Variants in FBXL13 observed in about 807,000 individuals in gnomAD.
FBXL13 encodes F-box and leucine rich repeat protein 13, also known as F-box and leucine-rich repeat protein 13.
A neutral mutation model predicts 83.6 loss-of-function variants in FBXL13; 67 were observed. That is an observed-to-expected ratio of 0.80 (90% CI 0.66 to 0.98). The LOEUF (loss-of-function observed/expected upper bound fraction) is 0.98. FBXL13 is among the 50% of genes least tolerant of loss of function. FBXL13 has a pLI of 0.00. For missense variants in FBXL13, 822 were observed against 866.5 expected (o/e 0.95, Z 0.64); for synonymous variants, 272 against 299.5 (o/e 0.91, Z 0.95).
chr7:102,898,071 A>G (rs1812475010), intron 11 of FBXL13, among the ~76,000 whole-genome samples: 1 of 152,192 alleles, frequency 6.6e-6, no homozygotes, highest in South Asian at 2.1e-4. Context: ...CTAAATCATA[A>G]AAGTGTCATT....
intron 2 of FBXL13, among the ~76,000 whole-genome samples, chr7:103,049,113 T>C (rs982980226): frequency 5.9e-5 from 9 of 152,224 alleles, no homozygotes; most frequent in Non-Finnish European, 1.3e-4. Flanking sequence ...CATTTTACTT[T>C]AGGACAAGAA....
intron 6 of FBXL13, among the ~76,000 whole-genome samples, chr7:102,974,541 C>G (rs1335544537): frequency 6.6e-6 from 1 of 152,146 alleles, no homozygotes; most frequent in Non-Finnish European, 1.5e-5. Flanking sequence ...ACAATTTTAA[C>G]TGATTTAAGC....
chr7:102,971,507 G>C (rs573815892), intron 6 of FBXL13, among the ~76,000 whole-genome samples: 1 of 147,614 alleles, frequency 6.8e-6, no homozygotes, highest in South Asian at 2.2e-4. Context: ...TGAGGCAGGA[G>C]AATCGCTTGA....
chr7:102,877,366 CAAATA>C, intron 16 of FBXL13, 96 bp downstream of exon 17: 1 of 1,027,318 alleles, frequency 9.7e-7, no homozygotes, highest in Non-Finnish European at 1.3e-6. Flanking sequence ...AATAGAATAA[CAAATA>C]AAACATATTA....
intron 2 of FBXL13, among the ~76,000 whole-genome samples, chr7:103,034,104 G>A (rs1794819584): frequency 1.3e-5 from 2 of 152,212 alleles, no homozygotes; most frequent in Non-Finnish European, 1.5e-5. Context: ...AGTGCTGATT[G>A]GTGTATTTAC....
chr7:102,850,867 T>C (rs1478509134), intron 17 of FBXL13, among the ~76,000 whole-genome samples: 1 of 152,176 alleles, frequency 6.6e-6, no homozygotes, highest in Non-Finnish European at 1.5e-5. Context: ...GAAATTGACA[T>C]TATGTGACAC....
chr7:102,813,700 A>G (rs1222418061), intron 19 of FBXL13, among the ~76,000 whole-genome samples, 169 bp from the exon 21 acceptor site: 1 of 152,198 alleles, frequency 6.6e-6, no homozygotes, highest in Non-Finnish European at 1.5e-5. Context: ...ACAAATAAAC[A>G]GGGTCCCAAA....
In FBXL13 at chr7:103,028,695, AT is replaced by A; in HGVS notation, c.121del (p.Met41Ter). On this transcript the variant is annotated frameshift_variant, in exon 4 of 20. Transcript: ENST00000313221. LOFTEE classifies it high-confidence loss of function. Reference sequence around the variant, plus strand: ...ATTGTAGCATGTCACTGCTCTGTTCATTTTTTCAGCCAGGACGACATTTTCA... The same window carrying A: ...ATTGTAGCATGTCACTGCTCTGTTCATTTTTCAGCCAGGACGACATTTTCA... 1.9e-6 allele frequency: 3 copies of A among 1,600,838 alleles called. No individual in the cohort carries two copies. The highest frequency in any genetic ancestry group is 1.7e-5 in the Admixed American group (1 of 58,440).
chr7:103,046,246 G>T (rs900978279), intron 2 of FBXL13, among the ~76,000 whole-genome samples: 1 of 152,164 alleles, frequency 6.6e-6, no homozygotes, highest in Non-Finnish European at 1.5e-5. Context: ...AGCTGCACAG[G>T]TACTTTTCTG....
At chr7:102,834,089 A>AGGAAGGAAGGAAGGAAG (rs1291419171) in intron 17 of FBXL13, among the ~76,000 whole-genome samples, 31 of 68,440 alleles carry the variant, frequency 4.5e-4, no homozygotes, top group South Asian at 5.0e-4. Flanking sequence ...AGGAAAGAAA[A>AGGAAGGAAGGAAGGAAG]GAAAGAAAGA....
chr7:102,893,940 GAGAAAGAA>G (rs757315918), intron 11 of FBXL13, among the ~76,000 whole-genome samples: 28 of 124,392 alleles, frequency 2.3e-4, no homozygotes, highest in African/African-American at 6.2e-4. Context: ...GACAGAGAAA[GAGAAAGAA>G]AGAAAGAAAG....
chr7:102,861,616 C>T (rs12540384), intron 16 of FBXL13, among the ~76,000 whole-genome samples: 29,054 of 152,098 alleles, frequency 0.19, 3,024 homozygotes, highest in East Asian at 0.43. Flanking sequence ...CCAGAATATT[C>T]TGCAAACATG....
At chr7:103,027,550 A>T in exon 5 of FBXL13, 1 of 1,605,588 alleles carries the variant, frequency 6.2e-7, no homozygotes, top group Non-Finnish European at 8.5e-7. Flanking sequence ...TGTATCCGCA[A>T]TAGAATATCT....
At chr7:102,935,628 CAG>C (rs2129474015) in intron 8 of FBXL13, among the ~76,000 whole-genome samples, 2 of 152,188 alleles carry the variant, frequency 1.3e-5, no homozygotes, top group African/African-American at 4.8e-5. Flanking sequence ...GCTAAGAAAA[CAG>C]ACGGGAGATT....
At chr7:102,996,449 C>T (rs1789798051) in intron 6 of FBXL13, among the ~76,000 whole-genome samples, 1 of 152,134 alleles carries the variant, frequency 6.6e-6, no homozygotes, top group Non-Finnish European at 1.5e-5. Context: ...TGTTGTTTTG[C>T]CTTTTTACTG....
intron 6 of FBXL13, among the ~76,000 whole-genome samples, chr7:103,009,791 A>G (rs978435377): frequency 1.3e-4 from 19 of 151,914 alleles, no homozygotes; most frequent in African/African-American, 4.3e-4. Flanking sequence ...ACTCAACCCA[A>G]CTCTGCCACT....
At chr7:102,871,709 A>G (rs905644334) in intron 16 of FBXL13, among the ~76,000 whole-genome samples, 18 of 151,962 alleles carry the variant, frequency 1.2e-4, no homozygotes, top group Admixed American at 6.6e-5. Flanking sequence ...TAATTTTTTT[A>G]TTCCAAAGCC....
chr7:102,928,177 T>C (rs12056296), intron 9 of FBXL13, among the ~76,000 whole-genome samples: 29,362 of 152,114 alleles, frequency 0.19, 3,042 homozygotes, highest in East Asian at 0.43. Flanking sequence ...CATTCTCAGA[T>C]TGAGATGAGG....
At chr7:102,958,303 G>A (rs574921337) in intron 8 of FBXL13, among the ~76,000 whole-genome samples, 188 of 151,718 alleles carry the variant, frequency 1.2e-3, no homozygotes, top group Non-Finnish European at 2.3e-3. Flanking sequence ...ACCAAACACC[G>A]CATGTTCTCA....
Sources: gnomAD v4.1 joint callset for allele counts (sites outside exome capture counted in the v4.1 genomes callset) on GRCh38, gnomAD v4.1.1 for gene constraint, MANE v1.5 for transcripts, NCBI Gene and HGNC (gene_info 2026-07-23, HGNC 2026-07-21) for gene names.